Variants in FAM178B observed in about 807,000 individuals in gnomAD.
FAM178B encodes family with sequence similarity 178 member B, also known as protein FAM178B.
In FAM178B, 82 loss-of-function variants were observed where a neutral mutation model predicts 91.7. That is an observed-to-expected ratio of 0.89 (90% CI 0.75 to 1.07). The LOEUF (loss-of-function observed/expected upper bound fraction) is 1.07. FAM178B is among the 50% of genes least tolerant of loss of function. The pLI is 0.00. For missense variants in FAM178B, 769 were observed against 846.7 expected (o/e 0.91, Z 1.14); for synonymous variants, 368 against 359.4 (o/e 1.02, Z -0.27).
intron 8 of FAM178B, among the ~76,000 whole-genome samples, chr2:96,937,084 G>C (rs750077386): frequency 6.6e-6 from 1 of 151,884 alleles, no homozygotes; most frequent in Non-Finnish European, 1.5e-5. Context: ...TAGTAGAGAC[G>C]AGATTTCACT....
intron 16 of FAM178B, among the ~76,000 whole-genome samples, chr2:96,876,989 TG>T: frequency 6.6e-6 from 1 of 152,180 alleles, no homozygotes; most frequent in Admixed American, 6.5e-5. Context: ...GCCTGCGTGA[TG>T]GGGGGCAAGC....
At position 96,902,703 on chromosome 2, in the gene FAM178B, G is replaced by A; in HGVS notation, c.1567C>T (p.Leu523Phe). 6.5e-7 allele frequency: 1 copy of A among 1,550,286 alleles called. No individual in the cohort carries two copies. The highest frequency in any genetic ancestry group is 1.7e-4 in the Middle Eastern group (1 of 5,990). ...FPDMTSRSRR[L>F]RSQLSLVVIA... ...ACCACAAGGCTGAGCTGGCTTCGAAGCCGCCTGGGGGAAAAGCGACAGCCT... is the reference window on the plus strand; with the variant it reads ...ACCACAAGGCTGAGCTGGCTTCGAAACCGCCTGGGGGAAAAGCGACAGCCT... Residue 523 changes from leucine (L) to phenylalanine (F), a missense_variant, in exon 13 of 17, where the codon CTT (leucine) becomes TTT (phenylalanine). Physicochemically the swap from Leu to Phe is conservative, Grantham distance 22. Coordinates refer to ENST00000490605, the MANE Select transcript of FAM178B (RefSeq NM_001122646.3).
At chr2:96,920,378 C>T (rs2081314606) in intron 12 of FAM178B, among the ~76,000 whole-genome samples, 2 of 152,240 alleles carry the variant, frequency 1.3e-5, no homozygotes, top group African/African-American at 2.4e-5. Flanking sequence ...GAGGCAGGCA[C>T]ATCACGAGGT....
intron 9 of FAM178B, among the ~76,000 whole-genome samples, chr2:96,927,335 C>G (rs2081459381): frequency 6.6e-6 from 1 of 152,216 alleles, no homozygotes. Flanking sequence ...CTCCCAGAGC[C>G]AGGAGCAGGG....
chr2:96,902,472 CATGCAA>C, intron 13 of FAM178B, 142 bp downstream of exon 13: 1 of 620,096 alleles, frequency 1.6e-6, no homozygotes, highest in Non-Finnish European at 3.0e-6. Flanking sequence ...ACATGGCTGG[CATGCAA>C]GCGGTAATTC....
chr2:96,938,478 C>A (rs2081668914), intron 8 of FAM178B, among the ~76,000 whole-genome samples: 1 of 152,194 alleles, frequency 6.6e-6, no homozygotes, highest in Non-Finnish European at 1.5e-5. Context: ...GGGCTTGAAG[C>A]TGGAGGACCA....
chr2:96,936,515 G>GTTT (rs202100606), intron 8 of FAM178B, among the ~76,000 whole-genome samples: 1 of 125,770 alleles, frequency 8.0e-6, no homozygotes. Flanking sequence ...TTTTTTGGTT[G>GTTT]TTTTTTTTTT....
intron 12 of FAM178B, among the ~76,000 whole-genome samples, chr2:96,912,178 G>A (rs1005629015): frequency 5.9e-5 from 9 of 152,248 alleles, no homozygotes; most frequent in Admixed American, 1.3e-4. Flanking sequence ...CAAGGACTCC[G>A]GAGCCAGCAG....
chr2:96,930,097 A>G (rs535897311), intron 8 of FAM178B, among the ~76,000 whole-genome samples: 71 of 151,364 alleles, frequency 4.7e-4, no homozygotes, highest in Non-Finnish European at 7.5e-4. Flanking sequence ...ATGAGCCTGT[A>G]GTCCCAGGAT....
At position 96,942,376 on chromosome 2, in the gene FAM178B, G is replaced by A. The variant is rs140899230; in HGVS notation, c.1078+5442C>T. Among the ~76,000 whole-genome samples, 465 of 152,292 alleles carry A rather than the reference G, an allele frequency of 3.1e-3. 3 individuals carry two copies. The highest frequency in any genetic ancestry group is 0.01 in the African/African-American group (416 of 41,546). ...CTGGTCCTAAAATTCACATGGAAATGGAAAGGACCCCAAACAGCCAAAACA... is the reference window on the plus strand; with the variant it reads ...CTGGTCCTAAAATTCACATGGAAATAGAAAGGACCCCAAACAGCCAAAACA... On this transcript the variant is annotated intron_variant, in intron 8 of 16. Transcript: ENST00000490605.
chr2:96,909,625 C>T (rs1011280737), intron 12 of FAM178B, among the ~76,000 whole-genome samples: 2 of 152,140 alleles, frequency 1.3e-5, no homozygotes, highest in African/African-American at 4.8e-5. Context: ...TCTTGGCAGC[C>T]CCACAACACA....
At chr2:96,877,820 G>A in intron 16 of FAM178B, 70 bp downstream of exon 16, 1 of 1,487,208 alleles carries the variant, frequency 6.7e-7, no homozygotes, top group Non-Finnish European at 9.1e-7. Flanking sequence ...TGGATGTGCT[G>A]GTGGCTCTGG....
chr2:96,975,335 C>T (rs1380210768), intron 1 of FAM178B, among the ~76,000 whole-genome samples: 9 of 152,010 alleles, frequency 5.9e-5, no homozygotes, highest in South Asian at 2.1e-4. Context: ...TAAGTATACT[C>T]GCCAGAAAAA....
chr2:96,884,299 G>A (rs1423464130), intron 14 of FAM178B, among the ~76,000 whole-genome samples: 1 of 152,226 alleles, frequency 6.6e-6, no homozygotes, highest in Non-Finnish European at 1.5e-5. Flanking sequence ...AGCAGGACAA[G>A]CTCCCCGGGT....
chr2:96,957,447 A>G (rs1226049818), intron 6 of FAM178B, among the ~76,000 whole-genome samples: 1 of 152,156 alleles, frequency 6.6e-6, no homozygotes, highest in African/African-American at 2.4e-5. Context: ...AGGCACTGGC[A>G]ACACCCTCTC....
At chr2:96,949,227 C>T (rs565214898) in intron 7 of FAM178B, among the ~76,000 whole-genome samples, 12 of 152,290 alleles carry the variant, frequency 7.9e-5, no homozygotes, top group East Asian at 1.9e-4. Context: ...CTCAGGCTGT[C>T]CTTTCCAAGA....
chr2:96,960,575 C>G, intron 5 of FAM178B, 135 bp from the exon 6 acceptor site: 2 of 1,034,724 alleles, frequency 1.9e-6, no homozygotes, highest in South Asian at 3.4e-5. Flanking sequence ...ACCAAGGGGA[C>G]AGCGCCACCT....
intron 8 of FAM178B, among the ~76,000 whole-genome samples, chr2:96,940,677 C>T (rs1478116559): frequency 1.3e-5 from 2 of 152,062 alleles, no homozygotes; most frequent in Non-Finnish European, 2.9e-5. Context: ...AGAGATCAAT[C>T]ATGAAGAGGC....
chr2:96,927,801 CAGG>C (rs2153371470), intron 9 of FAM178B, among the ~76,000 whole-genome samples: 1 of 152,308 alleles, frequency 6.6e-6, no homozygotes, highest in African/African-American at 2.4e-5. Context: ...CTCCCACTCC[CAGG>C]AGGACACAGG....
Sources: gnomAD v4.1 joint callset for allele counts (sites outside exome capture counted in the v4.1 genomes callset) on GRCh38, gnomAD v4.1.1 for gene constraint, MANE v1.5 for transcripts, NCBI Gene and HGNC (gene_info 2026-07-23, HGNC 2026-07-21) for gene names.